Variants in ACACA observed in about 807,000 individuals in gnomAD.
The protein encoded by ACACA is acetyl-CoA carboxylase 1.
ACACA carries 103 observed loss-of-function variants against 296.1 expected under a neutral mutation model. The observed-to-expected ratio is 0.35, with a 90% CI of 0.30 to 0.41. The LOEUF is 0.41. Among genes scored for constraint, ACACA ranks in the 10% least tolerant of loss-of-function variants. The probability of loss-of-function intolerance (pLI) is 1.00; values close to 1 mark genes in which losing one functional copy is unlikely to be tolerated. For missense variants in ACACA, 1,554 were observed against 2,989.7 expected, an observed-to-expected ratio of 0.52 and a Z score of 11.20; for synonymous variants, 953 against 1,038.6, an observed-to-expected ratio of 0.92 and a Z score of 1.58.
At chr17:37,339,693 A>G in intron 2 of ACACA, 111 bp downstream of exon 2, 2 of 730,278 alleles carry the variant, frequency 2.7e-6, no homozygotes, top group South Asian at 3.1e-5. Flanking sequence ...AAATCTGCCT[A>G]TATTATTTTG....
intron 23 of ACACA, among the ~76,000 whole-genome samples, chr17:37,241,074 A>G (rs907049578): frequency 6.6e-6 from 1 of 152,124 alleles, no homozygotes; most frequent in African/African-American, 2.4e-5. Context: ...ATGTGACTGT[A>G]GTCCCAGCTA....
At chr17:37,156,635 A>G (rs1034109451) in intron 42 of ACACA, among the ~76,000 whole-genome samples, 8 of 152,242 alleles carry the variant, frequency 5.3e-5, no homozygotes, top group African/African-American at 1.7e-4. Context: ...ATGCCCATTT[A>G]CATGTAAACA....
At chr17:37,148,923 A>T (rs1240454704) in intron 45 of ACACA, among the ~76,000 whole-genome samples, 1 of 152,208 alleles carries the variant, frequency 6.6e-6, no homozygotes, top group African/African-American at 2.4e-5. Context: ...TTAAATTATT[A>T]TCCCCCTTTG....
At chr17:37,175,258 T>C (rs2077066242) in intron 41 of ACACA, among the ~76,000 whole-genome samples, 1 of 152,242 alleles carries the variant, frequency 6.6e-6, no homozygotes, top group Admixed American at 6.5e-5. Flanking sequence ...TTCTTTGTCC[T>C]ACCAGGCAAA....
rs571542406 is a variant in ACACA at position 37,326,807 on chromosome 17, C to T, written c.338+3366G>A. ...TGGTACCACTGCACTCCAGCCTGGG[C>T]GACAGAGCGAGTCTCCCTCTAAAAA... On this transcript the variant is annotated intron_variant, in intron 3 of 55. Transcript: ENST00000616317. 2.9e-4 allele frequency among the ~76,000 whole-genome samples: 44 copies of T among 150,422 alleles called. No individual in the cohort carries two copies. In the East Asian group the frequency reaches 7.8e-3, roughly 27 times the overall value.
chr17:37,300,165 G>A (rs1447094989), intron 3 of ACACA, among the ~76,000 whole-genome samples: 1 of 152,162 alleles, frequency 6.6e-6, no homozygotes, highest in Non-Finnish European at 1.5e-5. Flanking sequence ...AAGGAAAAGA[G>A]ACCCTGACAA....
Position 37,125,784 on chromosome 17 carries a change from A to C in ACACA, c.5955T>G (p.Gly1985=), listed in dbSNP as rs1196038412. 3 of 1,613,720 alleles carry C rather than the reference A, an allele frequency of 1.9e-6. No homozygotes were observed. Among genetic ancestry groups the C allele is most frequent in the Non-Finnish European group, 2.5e-6 (3 of 1,179,768 alleles). ...AGTCAAAAAAGCCACTCAACCACTG[A>C]CCTTTTTGGGCTACAGAAGGGAAAG... is the stretch of plus-strand genomic sequence containing the variant. ...LAGRPHPTQK[G]QWLSGFFDYG... is the part of the protein sequence containing the mutation. The change falls in exon 48 of 56, where the codon GGT becomes GGG. Residue 1985 remains glycine, a synonymous_variant. Coordinates refer to ENST00000616317, the MANE Select transcript of ACACA (RefSeq NM_198834.3).
At chr17:37,356,752 C>A (rs2049161319) in intron 1 of ACACA, among the ~76,000 whole-genome samples, 1 of 152,064 alleles carries the variant, frequency 6.6e-6, no homozygotes, top group Non-Finnish European at 1.5e-5. Context: ...CAAAAGGATT[C>A]TCTTCTCCTC....
chr17:37,126,133 C>G (rs2074774317), intron 47 of ACACA, among the ~76,000 whole-genome samples: 2 of 152,142 alleles, frequency 1.3e-5, no homozygotes, highest in South Asian at 4.1e-4. Context: ...CAAAAGGCTG[C>G]CAAGTCATTA....
chr17:37,153,311 T>C lies in ACACA; in HGVS notation c.5448-1890A>G, dbSNP rs539686403. Among the ~76,000 whole-genome samples, 11 of 152,330 alleles carry C rather than the reference T, an allele frequency of 7.2e-5. No individual in the cohort carries two copies. The South Asian group carries it at 1.4e-3, about 20-fold the overall frequency. ...TTGGCAGAATCTCACCGTAACTATA[T>C]TGTGTCTCAGGGCACCATGATGAAC... On this transcript the variant is annotated intron_variant, in intron 43 of 55. Transcript: ENST00000616317.
Position 37,391,473 on chromosome 17 carries a change from C to T in ACACA, c.38+14789G>A, listed in dbSNP as rs1245871511. 2.0e-5 allele frequency among the ~76,000 whole-genome samples: 3 copies of T among 152,216 alleles called. No individual in the cohort carries two copies. In the East Asian group the frequency reaches 5.8e-4, roughly 29 times the overall value. ...TTCCAAGCAATTATTGGTTCTCATA[C>T]CTATGTGCACCTTGATCATACTTTC... On this transcript the variant is annotated intron_variant, in intron 1 of 55. Transcript: ENST00000616317.
intron 2 of ACACA, among the ~76,000 whole-genome samples, chr17:37,334,970 T>C (rs554210490): frequency 5.3e-5 from 8 of 152,262 alleles, no homozygotes; most frequent in African/African-American, 1.7e-4. Flanking sequence ...TAATCCCAGT[T>C]GTCCTGGAGG....
intron 33 of ACACA, 63 bp downstream of exon 33, chr17:37,205,702 T>G: frequency 8.1e-7 from 1 of 1,240,284 alleles, no homozygotes. Context: ...GATAAAAGGA[T>G]AGCTATGATA....
chr17:37,107,330 T>C, intron 52 of ACACA, among the ~76,000 whole-genome samples: 1 of 152,218 alleles, frequency 6.6e-6, no homozygotes, highest in East Asian at 1.9e-4. Flanking sequence ...ACAGCTCAGA[T>C]ACTTTGATCA....
In ACACA at chr17:37,125,706, A is replaced by G. The variant is rs146953366; in HGVS notation, c.6033T>C (p.Gly2011=). 1.7e-4 allele frequency: 270 copies of G among 1,613,674 alleles called. 3 individuals carry two copies. The South Asian group carries it at 1.8e-3, about 11-fold the overall frequency. The change falls in exon 48 of 56, where the codon GGT becomes GGC. Residue 2011 remains glycine (G), a synonymous_variant. Coordinates refer to ENST00000616317, the MANE Select transcript of ACACA (RefSeq NM_198834.3). ...AACAAAAGAGCTCTTACCTGGCTCT[A>G]CCAACCACCACAGTCTGTGCCCAGG... ...MQPWAQTVVV[G]RARLGGIPVG... is the part of the protein sequence containing the mutation.
chr17:37,289,376 T>C, intron 3 of ACACA: 1 of 1,111,004 alleles, frequency 9.0e-7, no homozygotes, highest in African/African-American at 1.6e-5. Flanking sequence ...CTAATGGTAT[T>C]GAAAGGTAAC....
At chr17:37,304,731 G>A (rs944574564) in intron 3 of ACACA, among the ~76,000 whole-genome samples, 5 of 151,686 alleles carry the variant, frequency 3.3e-5, no homozygotes, top group South Asian at 2.1e-4. Context: ...CAGAGGTTGC[G>A]GTGACCAAGA....
intron 1 of ACACA, among the ~76,000 whole-genome samples, chr17:37,363,449 G>A (rs1449724256): frequency 2.0e-5 from 3 of 151,646 alleles, no homozygotes; most frequent in Non-Finnish European, 2.9e-5. Flanking sequence ...CCAAAGTGCT[G>A]GGATTACAGG....
At chr17:37,115,958 T>C (rs1429257588) in intron 50 of ACACA, among the ~76,000 whole-genome samples, 1 of 152,092 alleles carries the variant, frequency 6.6e-6, no homozygotes, top group African/African-American at 2.4e-5. Context: ...TTGGCCCTAA[T>C]GTCCACATTC....
Sources: gnomAD v4.1 joint callset for allele counts (sites outside exome capture counted in the v4.1 genomes callset) on GRCh38, gnomAD v4.1.1 for gene constraint, MANE v1.5 for transcripts, NCBI Gene and HGNC (gene_info 2026-07-23, HGNC 2026-07-21) for gene names.